Variants in GFM1 observed in about 807,000 individuals in gnomAD.
GFM1 encodes the protein elongation factor G, mitochondrial.
A neutral mutation model predicts 96.2 loss-of-function variants in GFM1; 62 were observed. That is an observed-to-expected ratio of 0.64 (90% CI 0.53 to 0.80). The LOEUF (loss-of-function observed/expected upper bound fraction) is 0.80. Ranked by LOEUF, GFM1 falls within the 30% of genes least tolerant of loss-of-function variation. The pLI is 0.00. For synonymous variants in GFM1, 282 were observed against 312.9 expected (o/e 0.90, Z 1.04); for missense variants, 852 against 916.6 (o/e 0.93, Z 0.91).
At chr3:158,645,301 T>C (rs942615480) in intron 1 of GFM1, among the ~76,000 whole-genome samples, 1 of 152,250 alleles carries the variant, frequency 6.6e-6, no homozygotes, top group Non-Finnish European at 1.5e-5. Flanking sequence ...TTGTATTTTC[T>C]ATTAAAGTAT....
chr3:158,665,569 C>A (rs987259257), intron 12 of GFM1, 95 bp downstream of exon 12: 4 of 1,113,418 alleles, frequency 3.6e-6, no homozygotes, highest in Non-Finnish European at 5.4e-6. Flanking sequence ...GTAACTAACT[C>A]TGGTTCTTCA....
chr3:158,682,634 AATTGAGG>A (rs1250378723), intron 14 of GFM1, among the ~76,000 whole-genome samples: 1 of 152,176 alleles, frequency 6.6e-6, no homozygotes, highest in Non-Finnish European at 1.5e-5. Flanking sequence ...CCCCTCACAA[AATTGAGG>A]ATCAGATAAG....
chr3:158,655,918 T>C (rs1722712751), intron 8 of GFM1: 4 of 457,214 alleles, frequency 8.7e-6, no homozygotes, highest in Non-Finnish European at 1.8e-5. Context: ...TAGGCTGTAA[T>C]AGTTTCTTAG....
chr3:158,666,602 C>CAGT, intron 13 of GFM1: 2 of 1,529,260 alleles, frequency 1.3e-6, no homozygotes, highest in Non-Finnish European at 1.8e-6. Context: ...AATTGGCATA[C>CAGT]ACATCAATAG....
In GFM1 at chr3:158,644,798, C is replaced by CGTGGGT. The variant is rs1721615146; in HGVS notation, c.81+83_81+84insGTGGGT. The CGTGGGT allele has an allele frequency of 2.5e-6, 3 of 1,196,170 alleles. No individual in the cohort carries two copies. The African/African-American group carries it at 4.6e-5, about 18-fold the overall frequency. 74.1% of individuals were successfully genotyped at this position (1,196,170 alleles called of 1,614,324 possible). A position where few individuals can be genotyped will look rare whatever the true frequency, so the allele number is the denominator to read the frequency against. On this transcript the variant is annotated intron_variant, in intron 1 of 17. Transcript: ENST00000486715. ...TGGGCAATGGAAGGCCGTGACACCC[C>CGTGGGT]CTGGGTCCTCATGACTGACAGCTCC...
intron 5 of GFM1, chr3:158,649,847 G>A: frequency 1.6e-6 from 1 of 607,132 alleles, no homozygotes; most frequent in Non-Finnish European, 2.9e-6. Flanking sequence ...GATTGGGGTG[G>A]GGCCCGTAGT....
Position 158,659,050 on chromosome 3 carries a change from C to T in GFM1, c.1212C>T (p.Asp404=), listed in dbSNP as rs1453811651. The T allele has an allele frequency of 1.2e-6, 2 of 1,614,000 alleles. No individual in the cohort carries two copies. Among genetic ancestry groups the T allele is most frequent in the South Asian group, 2.2e-5 (2 of 91,088 alleles). The part of the protein sequence containing the change: ...RLQRLARMHA[D]MMEDVEEVYA... Reference sequence around the variant, plus strand: ...AACGGCTGGCTCGCATGCATGCCGACATGATGGAGGCAAGTACAGAGTCAT... The same window carrying T: ...AACGGCTGGCTCGCATGCATGCCGATATGATGGAGGCAAGTACAGAGTCAT... Residue 404 remains aspartate, a synonymous_variant, in exon 9 of 18, where the codon GAC becomes GAT. Coordinates refer to ENST00000486715, the MANE Select transcript of GFM1 (RefSeq NM_024996.7).
intron 12 of GFM1, 132 bp from the exon 13 acceptor site, chr3:158,666,172 A>G: frequency 2.9e-6 from 2 of 700,650 alleles, no homozygotes; most frequent in Non-Finnish European, 5.1e-6. Context: ...TCCTTATAAG[A>G]TACTAAAATG....
intron 13 of GFM1, chr3:158,668,998 C>T: frequency 1.9e-6 from 3 of 1,609,394 alleles, no homozygotes; most frequent in Non-Finnish European, 2.5e-6. Flanking sequence ...CTACTTACCA[C>T]TTGCTTGACA....
In GFM1 at chr3:158,690,226, A is replaced by G. The variant is rs1726198137; in HGVS notation, c.1973A>G (p.Asn658Ser). 1.2e-6 allele frequency: 2 copies of G among 1,613,790 alleles called. No homozygotes were observed. The highest frequency in any genetic ancestry group is 2.7e-5 in the African/African-American group (2 of 74,902). The part of the protein sequence containing the change: ...PIMAVEVVAP[N>S]EFQGQVIAGI... ...ATGGCTGTGGAAGTTGTAGCTCCAAATGAATTTCAGGGACAAGTAATTGCA... is the reference window on the plus strand; with the variant it reads ...ATGGCTGTGGAAGTTGTAGCTCCAAGTGAATTTCAGGGACAAGTAATTGCA... Residue 658 changes from asparagine (N) to serine (S), a missense_variant, in exon 16 of 18, where the codon AAT becomes AGT. Physicochemically the swap from Asn to Ser is conservative, Grantham distance 46. Transcript: ENST00000486715.
chr3:158,690,075 A>G (rs1202026151), intron 15 of GFM1, 88 bp from the exon 16 acceptor site: 3 of 1,167,348 alleles, frequency 2.6e-6, no homozygotes, highest in Admixed American at 1.7e-5. Context: ...CCTTTGGGAA[A>G]GCATCATTTT....
intron 13 of GFM1, chr3:158,669,065 A>G (rs749766157): frequency 9.9e-6 from 16 of 1,613,606 alleles, no homozygotes; most frequent in Middle Eastern, 3.3e-4. Flanking sequence ...GCCATATTAT[A>G]TAACCACAGG....
At position 158,694,786 on chromosome 3, in the gene GFM1, C is replaced by T. The variant is rs1054397577; in HGVS notation, c.*3319C>T. Among the ~76,000 whole-genome samples, 1 of 151,854 alleles carries T rather than the reference C, an allele frequency of 6.6e-6. No homozygotes were observed. The highest frequency in any genetic ancestry group is 1.5e-5 in the Non-Finnish European group (1 of 67,990). ...AGAACTTGTTCAACTTCTAAAAATTCGTAATTCAGGTAGGAAGAAAATGAA... is the reference window on the plus strand; with the variant it reads ...AGAACTTGTTCAACTTCTAAAAATTTGTAATTCAGGTAGGAAGAAAATGAA... On this transcript the variant is annotated 3_prime_UTR_variant, in exon 18 of 18. Transcript: ENST00000486715.
At chr3:158,677,482 T>C (rs1724999524) in intron 13 of GFM1, among the ~76,000 whole-genome samples, 1 of 152,216 alleles carries the variant, frequency 6.6e-6, no homozygotes, top group South Asian at 2.1e-4. Flanking sequence ...TGATGTTGGC[T>C]ACACAGAACA....
intron 8 of GFM1, among the ~76,000 whole-genome samples, chr3:158,655,556 A>G (rs1282586937): frequency 6.6e-6 from 1 of 152,162 alleles, no homozygotes; most frequent in East Asian, 1.9e-4. Context: ...TTATAGTACA[A>G]CATTATTCAG....
intron 13 of GFM1, among the ~76,000 whole-genome samples, chr3:158,676,724 A>C (rs1724927449): frequency 6.8e-6 from 1 of 147,298 alleles, no homozygotes; most frequent in African/African-American, 2.5e-5. Context: ...TTTGAGACAG[A>C]GTCTCACTCT....
Position 158,644,980 on chromosome 3 carries a change from GTTT to G in GFM1, c.81+281_81+283del, listed in dbSNP as rs11405116. The G allele has an allele frequency of 0.039, 8,385 of 213,960 alleles. 55 individuals carry two copies. The highest frequency in any genetic ancestry group is 0.069 in the African/African-American group (2,527 of 36,424). The allele number at this position is 213,960 out of a possible 1,614,324, so 13.3% of individuals were successfully genotyped here. Reference sequence around the variant, plus strand: ...TGATATTTTATCCACCTTTTCTAAGGTTTTTTTTTTTTTTTTTTGCCTCTCTTT... The same window carrying G: ...TGATATTTTATCCACCTTTTCTAAGGTTTTTTTTTTTTTTTGCCTCTCTTT... On this transcript the variant is annotated intron_variant, in intron 1 of 17. Coordinates refer to ENST00000486715, the MANE Select transcript of GFM1 (RefSeq NM_024996.7).
intron 13 of GFM1, 50 bp downstream of exon 13, chr3:158,666,436 T>C: frequency 2.1e-6 from 3 of 1,428,660 alleles, no homozygotes; most frequent in Non-Finnish European, 3.0e-6. Context: ...TGAAGCTTTT[T>C]ATTTTGGATA....
intron 5 of GFM1, chr3:158,649,852 C>T (rs377255845): frequency 4.5e-5 from 28 of 627,404 alleles, no homozygotes; most frequent in East Asian, 3.0e-4. Flanking sequence ...GGGTGGGGCC[C>T]GTAGTTTGCA....
Sources: gnomAD v4.1 joint callset for allele counts (sites outside exome capture counted in the v4.1 genomes callset) on GRCh38, gnomAD v4.1.1 for gene constraint, MANE v1.5 for transcripts, NCBI Gene and HGNC (gene_info 2026-07-23, HGNC 2026-07-21) for gene names.